The following ZBTB1 variants were observed in gnomAD, a reference collection of about 807,000 sequenced individuals.
ZBTB1 encodes zinc finger and BTB domain-containing protein 1.
Under a neutral mutation model 51.6 loss-of-function variants are expected in ZBTB1, and 13 were observed. The observed-to-expected ratio is 0.25, with a 90% CI of 0.16 to 0.40. The LOEUF is 0.40. Ranked by LOEUF, ZBTB1 falls within the 10% of genes least tolerant of loss-of-function variation. The probability of loss-of-function intolerance (pLI) is 1.00; values close to 1 mark genes in which losing one functional copy is unlikely to be tolerated. For synonymous variants in ZBTB1, 240 were observed against 282.2 expected, an observed-to-expected ratio of 0.85 and a Z score of 1.50; for missense variants, 567 against 856.5, an observed-to-expected ratio of 0.66 and a Z score of 4.22.
intron 2 of ZBTB1, chr14:64,531,818 G>A: frequency 6.2e-7 from 1 of 1,612,128 alleles, no homozygotes. Flanking sequence ...CAGTCAACTT[G>A]TAATATTATT....
At chr14:64,525,567 CTT>C (rs571215637), downstream of ZBTB1, among the ~76,000 whole-genome samples, 216 of 152,186 alleles carry the variant, frequency 1.4e-3, no homozygotes, top group African/African-American at 4.8e-3. Context: ...TTTGAGATCA[CTT>C]TTTTCGTGAC....
At chr14:64,508,629 G>A (rs1191347389) in intron 1 of ZBTB1, among the ~76,000 whole-genome samples, 2 of 152,190 alleles carry the variant, frequency 1.3e-5, no homozygotes, top group Non-Finnish European at 2.9e-5. Context: ...GGGGAAGTCA[G>A]CCACTGAACC....
intron 1 of ZBTB1, among the ~76,000 whole-genome samples, chr14:64,508,109 T>A (rs1217106421): frequency 6.7e-6 from 1 of 149,108 alleles, no homozygotes; most frequent in Admixed American, 6.6e-5. Flanking sequence ...GTGAAGAAGT[T>A]GATGATGATC....
chr14:64,519,684 G>A (rs891041818), intron 1 of ZBTB1, among the ~76,000 whole-genome samples: 5 of 151,216 alleles, frequency 3.3e-5, no homozygotes, highest in Non-Finnish European at 7.4e-5. Context: ...ATGCTGTGGC[G>A]GGAGGATTGC....
At position 64,522,994 on chromosome 14, in the gene ZBTB1, A is replaced by C; in HGVS notation, c.1490A>C (p.Gln497Pro). Residue 497 changes from glutamine to proline, a missense_variant, in exon 2 of 2, where the codon CAG becomes CCG. This residue lies in a region of ZBTB1 where 329 missense variants were observed against 406.3 expected (regional missense o/e 0.81). Transcript: ENST00000683701. ...GACTTGGAAGAGAATCCTGATGAGC[A>C]GTCCGAAATAAGAGATATGTTTGTT... ...KMDLEENPDEQSEIRDMFVEM... is the reference protein window; with the variant it reads ...KMDLEENPDEPSEIRDMFVEM... The C allele has an allele frequency of 6.2e-7, 1 of 1,614,256 alleles. No individual in the cohort carries two copies. The highest frequency in any genetic ancestry group is 8.5e-7 in the Non-Finnish European group (1 of 1,180,044).
Position 64,517,868 on chromosome 14 carries a change from C to T in ZBTB1, c.-18-3619C>T, listed in dbSNP as rs186115416. On this transcript the variant is annotated intron_variant, in intron 1 of 1. Coordinates refer to ENST00000683701, the MANE Select transcript of ZBTB1 (RefSeq NM_001123329.2). ...GCATGATCTCGACTCACTGCAACCT[C>T]CCTCAGCCAGGCTGGAGTACAGTGG... Among the ~76,000 whole-genome samples, 103 of 148,728 alleles carry T rather than the reference C, an allele frequency of 6.9e-4. 1 individual carries two copies. Among genetic ancestry groups the T allele is most frequent in the African/African-American group, 2.5e-3 (100 of 40,268 alleles).
intron 1 of ZBTB1, among the ~76,000 whole-genome samples, chr14:64,514,759 C>G (rs1299515563): frequency 6.6e-6 from 1 of 152,292 alleles, no homozygotes; most frequent in East Asian, 1.9e-4. Context: ...GTATTAAGGA[C>G]TCATGCCCTG....
downstream of ZBTB1, among the ~76,000 whole-genome samples, chr14:64,526,973 G>A (rs1266644074): frequency 1.3e-5 from 2 of 152,030 alleles, no homozygotes; most frequent in South Asian, 2.1e-4. Flanking sequence ...TAGAGCCTAG[G>A]AGTTCAAGGG....
intron 1 of ZBTB1, among the ~76,000 whole-genome samples, chr14:64,510,343 G>A (rs751808450): frequency 5.9e-5 from 9 of 152,172 alleles, no homozygotes; most frequent in Non-Finnish European, 1.0e-4. Context: ...TTAAACCCAG[G>A]CAGTCTGGTT....
chr14:64,508,777 T>G (rs562784773), intron 1 of ZBTB1, among the ~76,000 whole-genome samples: 1 of 152,352 alleles, frequency 6.6e-6, no homozygotes, highest in East Asian at 1.9e-4. Context: ...AAAGTTGCCA[T>G]GATTGAAATA....
intron 1 of ZBTB1, among the ~76,000 whole-genome samples, chr14:64,513,284 T>A (rs531512449): frequency 6.6e-6 from 1 of 152,186 alleles, no homozygotes; most frequent in Admixed American, 6.5e-5. Flanking sequence ...GTGAGAGATA[T>A]ATATACATCT....
At position 64,523,204 on chromosome 14, in the gene ZBTB1, T is replaced by A. The variant is rs775275102; in HGVS notation, c.1700T>A (p.Met567Lys). 3 of 1,614,204 alleles carry A rather than the reference T, an allele frequency of 1.9e-6. No homozygotes were observed. The South Asian group carries it at 3.3e-5, about 18-fold the overall frequency. Residue 567 changes from methionine to lysine, a missense_variant, in exon 2 of 2, where the codon ATG becomes AAG. Coordinates refer to ENST00000683701, the MANE Select transcript of ZBTB1 (RefSeq NM_001123329.2). This position sits in a 1 kb window ranked among gnomAD's most constrained non-coding sequence, Gnocchi z 4.5. ...CAAGATATGTTTAAGAGTGCCATCA[T>A]GGAAGAAAATGAAAGAGATCACAGA... ...LDQDMFKSAI[M>K]EENERDHRRK...
At chr14:64,531,672 T>A (rs2079943015) in intron 2 of ZBTB1, among the ~76,000 whole-genome samples, 1 of 152,174 alleles carries the variant, frequency 6.6e-6, no homozygotes, top group South Asian at 2.1e-4. Context: ...ATGGTACGAG[T>A]TACATTCGGG....
In ZBTB1 at chr14:64,523,627, A is replaced by G. The variant is rs1298313243; in HGVS notation, c.2123A>G (p.Lys708Arg). ...GATATGAGATCACATTATAATGCCA[A>G]GCATTTGAAAAGAACCTGAGTGATT... ...RKDMRSHYNA[K>R]HLKRT The change falls in exon 2 of 2, where the codon AAG (lysine) becomes AGG (arginine). Residue 708 changes from lysine to arginine, a missense_variant. Around this residue, in one of 5 missense-constraint regions of ZBTB1, gnomAD observed 69 missense variants for 171.8 expected, o/e 0.40. Coordinates refer to ENST00000683701, the MANE Select transcript of ZBTB1 (RefSeq NM_001123329.2). The surrounding 1 kb of genome is among the most constrained non-coding windows in gnomAD (Gnocchi z 4.5). 2 of 1,549,008 alleles carry G rather than the reference A, an allele frequency of 1.3e-6. No individual in the cohort carries two copies. Among genetic ancestry groups the G allele is most frequent in the Admixed American group, 2.0e-5 (1 of 50,854 alleles).
Position 64,524,442 on chromosome 14 carries a change from T to C in ZBTB1, c.*796T>C. ...AGACATATCTTGTATTCATTAAAAA[T>C]ATTTTAATTTAAAATATTCTGATTT... On this transcript the variant is annotated 3_prime_UTR_variant, in exon 2 of 2. Transcript: ENST00000683701. 1.3e-6 allele frequency: 1 copy of C among 790,966 alleles called. No homozygotes were observed. The highest frequency in any genetic ancestry group is 1.5e-6 in the Non-Finnish European group (1 of 652,774). The allele number at this position is 790,966 out of a possible 1,614,324, so 49.0% of individuals were successfully genotyped here.
intron 1 of ZBTB1, chr14:64,514,235 A>T (rs2079756405): frequency 6.6e-6 from 1 of 152,240 alleles, no homozygotes; most frequent in African/African-American, 2.4e-5. Flanking sequence ...GGTAAAAGGA[A>T]ACATATATAC....
downstream of ZBTB1, among the ~76,000 whole-genome samples, chr14:64,526,479 C>A (rs868244060): frequency 6.6e-6 from 1 of 152,140 alleles, no homozygotes; most frequent in African/African-American, 2.4e-5. Context: ...AAAGGAGAAT[C>A]TACACAGATA....
chr14:64,523,144 A>T lies in ZBTB1; in HGVS notation c.1640A>T (p.Asn547Ile). The stretch of plus-strand genomic sequence containing the variant: ...TGTGGCCAGCGTTTTGAAACTGAAA[A>T]TCTAGTGGTTGAACATATGTCTAGC... ...PNCGQRFETE[N>I]LVVEHMSSCL... Residue 547 changes from asparagine (N) to isoleucine (I), a missense_variant, in exon 2 of 2, where the codon AAT becomes ATT. Asn to Ile is a moderately radical substitution (Grantham distance 149). Transcript: ENST00000683701. The surrounding 1 kb of genome is among the most constrained non-coding windows in gnomAD (Gnocchi z 4.5). 1 of 1,614,202 alleles carries T rather than the reference A, an allele frequency of 6.2e-7. No homozygotes were observed. Among genetic ancestry groups the T allele is most frequent in the Non-Finnish European group, 8.5e-7 (1 of 1,180,020 alleles).
upstream of ZBTB1, chr14:64,504,544 GCGGGTTGCGCCAGCCTCCT>G (rs1321485853): frequency 5.5e-6 from 1 of 182,554 alleles, no homozygotes; most frequent in African/African-American, 2.4e-5. Context: ...CCCCCGCGGT[GCGGGTTGCGCCAGCCTCCT>G]CGGAGCTCGA....
Sources: allele counts gnomAD v4.1 joint callset (sites outside exome capture counted in the v4.1 genomes callset), GRCh38; gene constraint gnomAD v4.1.1; regional missense constraint gnomAD v4.1.1; non-coding constraint Gnocchi (gnomAD v3.1); transcripts MANE v1.5; gene names NCBI Gene and HGNC (gene_info 2026-07-23, HGNC 2026-07-21).